Variants in PXDNL observed in about 807,000 individuals in gnomAD.
The protein encoded by PXDNL is probable oxidoreductase PXDNL.
A neutral mutation model predicts 150.8 loss-of-function variants in PXDNL; 145 were observed. The ratio of observed to expected loss-of-function variants is 0.96; its 90% CI spans 0.84 to 1.10. The LOEUF (loss-of-function observed/expected upper bound fraction) is 1.10, where lower values mean the gene tolerates loss of function less well. PXDNL is among the 50% of genes least tolerant of loss of function. The pLI, the probability that PXDNL is intolerant of heterozygous loss-of-function variation, is 0.00. For missense variants in PXDNL, 2,087 were observed against 1,873.9 expected, an observed-to-expected ratio of 1.11 and a Z score of -2.10; for synonymous variants, 757 against 725.7, an observed-to-expected ratio of 1.04 and a Z score of -0.69.
intron 4 of PXDNL, among the ~76,000 whole-genome samples, chr8:51,506,540 CAAAAAAAAAAAAAAAAA>C (rs11312240): frequency 1.5e-5 from 1 of 67,490 alleles, no homozygotes; most frequent in Non-Finnish European, 2.3e-5. Flanking sequence ...GACTCTGTCT[CAAAAAAAAAAAAAAAAA>C]AAAAAAAAAA....
At position 51,408,396 on chromosome 8, in the gene PXDNL, T is replaced by A; in HGVS notation, c.3228A>T (p.Glu1076Asp). 1 of 1,614,026 alleles carries A rather than the reference T, an allele frequency of 6.2e-7. No homozygotes were observed. Among genetic ancestry groups the A allele is most frequent in the Non-Finnish European group, 8.5e-7 (1 of 1,179,888 alleles). ...RLNATLGEIS[E>D]GHLPFHKALF... ...GCGCTTTATGGAACGGAAGGTGGCC[T>A]TCGGAAATTTCACCTAAGGTGGCAT... is the stretch of plus-strand genomic sequence containing the variant. The change falls in exon 17 of 23, where the codon GAA becomes GAT. Residue 1076 changes from glutamate to aspartate, a missense_variant. Glu to Asp is a conservative substitution (Grantham distance 45). Transcript: ENST00000356297.
At chr8:51,701,956 C>G (rs543803246) in intron 1 of PXDNL, among the ~76,000 whole-genome samples, 191 of 152,228 alleles carry the variant, frequency 1.3e-3, no homozygotes, top group Non-Finnish European at 2.1e-3. Context: ...GAGCCCCATC[C>G]CAGCCATTAA....
At chr8:51,654,796 T>C (rs750467627) in intron 1 of PXDNL, 36 bp from the exon 2 acceptor site, 3 of 1,502,362 alleles carry the variant, frequency 2.0e-6, no homozygotes, top group Admixed American at 1.7e-5. Context: ...GATTATAATA[T>C]GTTGACTGCA....
intron 1 of PXDNL, among the ~76,000 whole-genome samples, chr8:51,688,060 T>C (rs571905960): frequency 1.3e-5 from 2 of 152,364 alleles, no homozygotes; most frequent in Admixed American, 6.5e-5. Flanking sequence ...CAAGAAAATA[T>C]AGATTTCCTA....
intron 12 of PXDNL, among the ~76,000 whole-genome samples, chr8:51,438,656 A>C (rs988294481): frequency 2.6e-5 from 4 of 152,162 alleles, no homozygotes; most frequent in Non-Finnish European, 5.9e-5. Context: ...TGGAGCTTGC[A>C]GTGAGCCGAG....
At chr8:51,452,446 A>G (rs1809827207) in intron 10 of PXDNL, among the ~76,000 whole-genome samples, 1 of 152,188 alleles carries the variant, frequency 6.6e-6, no homozygotes, top group African/African-American at 2.4e-5. Context: ...GTAAATAGGA[A>G]TAAGAAAGTA....
At chr8:51,674,790 C>T (rs1815573850) in intron 1 of PXDNL, among the ~76,000 whole-genome samples, 1 of 152,194 alleles carries the variant, frequency 6.6e-6, no homozygotes, top group African/African-American at 2.4e-5. Context: ...GCATGCCGCT[C>T]CTATTTTATA....
intron 3 of PXDNL, among the ~76,000 whole-genome samples, chr8:51,586,832 G>T (rs1346193718): frequency 6.6e-6 from 1 of 152,186 alleles, no homozygotes; most frequent in Non-Finnish European, 1.5e-5. Context: ...GCTGCTCAGA[G>T]CTGGGCTAGT....
Position 51,534,087 on chromosome 8 carries a change from T to A in PXDNL, c.380+22753A>T, listed in dbSNP as rs577049550. 8.2e-4 allele frequency among the ~76,000 whole-genome samples: 118 copies of A among 143,366 alleles called. 8 individuals carry two copies. The East Asian group carries it at 0.021, about 25-fold the overall frequency. 94.1% of individuals were successfully genotyped at this position (143,366 alleles called of 152,430 possible). ...TCCCATCTAGGAAGTGAGGCGTGTCTCTGCCCGGCCGCCCATGTCTGAGAT... is the reference window on the plus strand; with the variant it reads ...TCCCATCTAGGAAGTGAGGCGTGTCACTGCCCGGCCGCCCATGTCTGAGAT... On this transcript the variant is annotated intron_variant, in intron 4 of 22. Coordinates refer to ENST00000356297, the MANE Select transcript of PXDNL (RefSeq NM_144651.5).
Position 51,676,523 on chromosome 8 carries a change from C to G in PXDNL, c.165-21763G>C, listed in dbSNP as rs759764971. 2.0e-5 allele frequency among the ~76,000 whole-genome samples: 3 copies of G among 151,962 alleles called. No individual in the cohort carries two copies. The East Asian group carries it at 5.8e-4, about 29-fold the overall frequency. On this transcript the variant is annotated intron_variant, in intron 1 of 22. Coordinates refer to ENST00000356297, the MANE Select transcript of PXDNL (RefSeq NM_144651.5). ...AACTCGTGACCTCAAGTGATCTGCC[C>G]GCCCTGGCCTCCCAAAATACTGGGA...
intron 2 of PXDNL, among the ~76,000 whole-genome samples, chr8:51,635,025 G>T (rs543090427): frequency 6.6e-6 from 1 of 152,194 alleles, no homozygotes; most frequent in South Asian, 2.1e-4. Flanking sequence ...TTGAATAGGG[G>T]TGGTGAGAGT....
intron 12 of PXDNL, among the ~76,000 whole-genome samples, chr8:51,442,161 T>C (rs1453106454): frequency 6.6e-6 from 1 of 151,964 alleles, no homozygotes; most frequent in Non-Finnish European, 1.5e-5. Context: ...CTTTCTTTAC[T>C]GACAGAAAAT....
At chr8:51,503,389 A>C (rs1322107302) in intron 4 of PXDNL, among the ~76,000 whole-genome samples, 1 of 65,354 alleles carries the variant, frequency 1.5e-5, no homozygotes, top group Non-Finnish European at 3.3e-5. Flanking sequence ...TTTCTAACAA[A>C]ATCTTTTTCA....
At chr8:51,642,723 AT>A (rs1207377053) in intron 2 of PXDNL, among the ~76,000 whole-genome samples, 1 of 152,218 alleles carries the variant, frequency 6.6e-6, no homozygotes, top group Non-Finnish European at 1.5e-5. Context: ...AATAAAGGGT[AT>A]TCAATTAGGA....
At chr8:51,432,888 A>C (rs1809287018) in intron 12 of PXDNL, among the ~76,000 whole-genome samples, 1 of 152,166 alleles carries the variant, frequency 6.6e-6, no homozygotes, top group East Asian at 1.9e-4. Flanking sequence ...AACATTGAGT[A>C]CATGCAATCT....
At chr8:51,700,598 AT>A (rs1816237438) in intron 1 of PXDNL, among the ~76,000 whole-genome samples, 15 of 152,048 alleles carry the variant, frequency 9.9e-5, no homozygotes, top group Middle Eastern at 3.4e-3. Flanking sequence ...ATATACACAC[AT>A]ACAGACACAA....
At chr8:51,377,143 C>CACACACACACACACACAA (rs966278135) in intron 17 of PXDNL, among the ~76,000 whole-genome samples, 2 of 149,362 alleles carry the variant, frequency 1.3e-5, no homozygotes, top group African/African-American at 2.5e-5. Context: ...CACACACACA[C>CACACACACACACACACAA]AAAGCCAAAG....
intron 17 of PXDNL, among the ~76,000 whole-genome samples, chr8:51,380,821 C>G (rs937636081): frequency 1.3e-5 from 2 of 152,134 alleles, no homozygotes; most frequent in Non-Finnish European, 2.9e-5. Context: ...AGAATTCTAA[C>G]AGCCTTTCTT....
chr8:51,456,191 T>G (rs903041482), intron 9 of PXDNL, among the ~76,000 whole-genome samples: 2 of 152,182 alleles, frequency 1.3e-5, no homozygotes, highest in African/African-American at 4.8e-5. Context: ...CATCTCAGTG[T>G]AGCGTCATGA....
Sources: gnomAD v4.1 joint callset for allele counts (sites outside exome capture counted in the v4.1 genomes callset) on GRCh38, gnomAD v4.1.1 for gene constraint, MANE v1.5 for transcripts, NCBI Gene and HGNC (gene_info 2026-07-23, HGNC 2026-07-21) for gene names.